Variants in IL21R observed in about 807,000 individuals in gnomAD.
IL21R encodes the protein interleukin-21 receptor.
In IL21R, 14 loss-of-function variants were observed where a neutral mutation model predicts 41.3. That is an observed-to-expected ratio of 0.34 (90% CI 0.22 to 0.53). The LOEUF (loss-of-function observed/expected upper bound fraction) is 0.53, where lower values mean the gene tolerates loss of function less well. IL21R is among the 20% of genes least tolerant of loss of function. The probability of loss-of-function intolerance (pLI) is 0.94; values close to 1 mark genes in which losing one functional copy is unlikely to be tolerated. For synonymous variants in IL21R, 286 were observed against 287.6 expected (o/e 0.99, Z 0.05); for missense variants, 588 against 681.6 (o/e 0.86, Z 1.53).
intron 1 of IL21R, among the ~76,000 whole-genome samples, chr16:27,410,465 T>C (rs1017689522): frequency 2.6e-5 from 4 of 152,268 alleles, no homozygotes; most frequent in African/African-American, 4.8e-5. Flanking sequence ...TAATGAGTTT[T>C]TATACTTTAC....
intron 1 of IL21R, among the ~76,000 whole-genome samples, chr16:27,406,456 G>A (rs551869976): frequency 1.5e-3 from 227 of 152,266 alleles, no homozygotes; most frequent in African/African-American, 4.7e-3. Context: ...GCTAGGAGAG[G>A]TTGCACAGGC....
At chr16:27,412,408 C>T (rs2086835850) in intron 1 of IL21R, among the ~76,000 whole-genome samples, 1 of 150,768 alleles carries the variant, frequency 6.6e-6, no homozygotes, top group Admixed American at 6.6e-5. Context: ...TCTCCTTCTC[C>T]TTCTTCTTCT....
rs868642144 is a variant in IL21R at position 27,445,198 on chromosome 16, C to T, written c.707C>T (p.Pro236Leu). 1 of 1,613,956 alleles carries T rather than the reference C, an allele frequency of 6.2e-7. No individual in the cohort carries two copies. ...CCAGAGTTAAAGGAAGGCTGGAACCCTCACCTGCTGCTTCTCCTCCTGCTT... is the reference window on the plus strand; with the variant it reads ...CCAGAGTTAAAGGAAGGCTGGAACCTTCACCTGCTGCTTCTCCTCCTGCTT... Reference protein sequence around the residue: ...QSEELKEGWNPHLLLLLLLVI... With the variant: ...QSEELKEGWNLHLLLLLLLVI... The change falls in exon 7 of 9, where the codon CCT (proline) becomes CTT (leucine). Residue 236 changes from proline (P) to leucine (L), a missense_variant. Pro to Leu is a moderately conservative substitution (Grantham distance 98). Coordinates refer to ENST00000337929, the MANE Select transcript of IL21R (RefSeq NM_181078.3).
chr16:27,433,790 C>T (rs752705245), intron 2 of IL21R, among the ~76,000 whole-genome samples: 14 of 152,160 alleles, frequency 9.2e-5, no homozygotes, highest in Non-Finnish European at 2.1e-4. Flanking sequence ...AATTCTCTCA[C>T]GGTTTCCTAC....
chr16:27,418,646 A>G (rs903200813), intron 1 of IL21R, among the ~76,000 whole-genome samples: 10 of 152,194 alleles, frequency 6.6e-5, no homozygotes, highest in African/African-American at 1.4e-4. Flanking sequence ...CTGGGATTAC[A>G]GGCATGAGCC....
intron 1 of IL21R, among the ~76,000 whole-genome samples, chr16:27,409,845 C>A (rs758345910): frequency 2.0e-5 from 3 of 152,152 alleles, no homozygotes; most frequent in Non-Finnish European, 4.4e-5. Flanking sequence ...ACTATCTTGT[C>A]AATTTCCACC....
chr16:27,446,285 G>T (rs1187810246), intron 8 of IL21R, among the ~76,000 whole-genome samples, 197 bp downstream of exon 8: 1 of 152,164 alleles, frequency 6.6e-6, no homozygotes, highest in Non-Finnish European at 1.5e-5. Flanking sequence ...ATTGGCAGAA[G>T]AATTAAACAA....
intron 1 of IL21R, among the ~76,000 whole-genome samples, chr16:27,423,377 G>A (rs1209582491): frequency 2.0e-5 from 3 of 152,090 alleles, no homozygotes; most frequent in African/African-American, 7.2e-5. Flanking sequence ...GTATGAAATA[G>A]TTTGAACATA....
At chr16:27,425,308 C>T (rs2087058119) in intron 1 of IL21R, among the ~76,000 whole-genome samples, 1 of 152,178 alleles carries the variant, frequency 6.6e-6, no homozygotes. Context: ...GCAGAGAAGG[C>T]AGTGGAATTA....
At position 27,442,995 on chromosome 16, in the gene IL21R, C is replaced by G; in HGVS notation, c.386C>G (p.Thr129Ser). Residue 129 changes from threonine (T) to serine (S), a missense_variant, in exon 5 of 9, where the codon ACC becomes AGC. By Grantham distance (58) the Thr-to-Ser change is moderately conservative. Transcript: ENST00000337929. ...GCTCCCCCTTTCAACGTGACTGTGA[C>G]CTTCTCAGGACAGTATAATATCTCC... ...KPAPPFNVTV[T>S]FSGQYNISWR... The G allele has an allele frequency of 6.2e-7, 1 of 1,606,890 alleles. No homozygotes were observed. Among genetic ancestry groups the G allele is most frequent in the Non-Finnish European group, 8.5e-7 (1 of 1,176,804 alleles).
chr16:27,430,510 T>G (rs1359504786), intron 2 of IL21R, among the ~76,000 whole-genome samples: 1 of 152,200 alleles, frequency 6.6e-6, no homozygotes, highest in Non-Finnish European at 1.5e-5. Flanking sequence ...TGACTCTCCT[T>G]GGAAATGTTT....
At chr16:27,442,842 C>T in intron 4 of IL21R, 120 bp from the exon 5 acceptor site, 1 of 873,910 alleles carries the variant, frequency 1.1e-6, no homozygotes, top group Non-Finnish European at 1.8e-6. Flanking sequence ...TCATCTCATC[C>T]ATGATGGGTC....
intron 7 of IL21R, among the ~76,000 whole-genome samples, 182 bp from the exon 8 acceptor site, chr16:27,445,825 G>A (rs563388461): frequency 3.5e-4 from 53 of 152,264 alleles, no homozygotes; most frequent in Non-Finnish European, 6.9e-4. Flanking sequence ...GAGCCTGTGA[G>A]GGAGACTTAC....
intron 2 of IL21R, among the ~76,000 whole-genome samples, chr16:27,431,991 G>A (rs1280510876): frequency 4.6e-5 from 7 of 152,162 alleles, no homozygotes; most frequent in Non-Finnish European, 4.4e-5. Context: ...GGGGACACAC[G>A]CTGCATCCTC....
At chr16:27,404,458 C>T (rs999250090) in intron 1 of IL21R, among the ~76,000 whole-genome samples, 1 of 152,124 alleles carries the variant, frequency 6.6e-6, no homozygotes, top group African/African-American at 2.4e-5. Flanking sequence ...GAGGAGGAGG[C>T]CCATTCAAGA....
chr16:27,429,085 G>A (rs949448863), intron 1 of IL21R, among the ~76,000 whole-genome samples: 4 of 152,110 alleles, frequency 2.6e-5, no homozygotes, highest in Non-Finnish European at 5.9e-5. Context: ...TTAGCCAGGC[G>A]TGGTGGCGGC....
At chr16:27,445,965 C>T (rs1399789001) in intron 7 of IL21R, 42 bp from the exon 8 acceptor site, 2 of 1,526,682 alleles carry the variant, frequency 1.3e-6, no homozygotes, top group Non-Finnish European at 1.8e-6. Context: ...CCAGGCTGCC[C>T]TCTGGTGATG....
At position 27,448,727 on chromosome 16, in the gene IL21R, C is replaced by T. The variant is rs2087531277; in HGVS notation, c.1061C>T (p.Thr354Ile). 1 of 1,613,434 alleles carries T rather than the reference C, an allele frequency of 6.2e-7. No homozygotes were observed. The highest frequency in any genetic ancestry group is 8.5e-7 in the Non-Finnish European group (1 of 1,180,002). ...GTGCCCAAGCCCAGCTTCTGGCCGACAGCCCAGAACTCGGGGGGCTCAGCT... is the reference window on the plus strand; with the variant it reads ...GTGCCCAAGCCCAGCTTCTGGCCGATAGCCCAGAACTCGGGGGGCTCAGCT... ...DGVPKPSFWPTAQNSGGSAYS... is the reference protein window; with the variant it reads ...DGVPKPSFWPIAQNSGGSAYS... The change falls in exon 9 of 9, where the codon ACA (threonine) becomes ATA (isoleucine). Residue 354 changes from threonine to isoleucine, a missense_variant. Thr to Ile is a moderately conservative substitution (Grantham distance 89). Transcript: ENST00000337929.
intron 1 of IL21R, among the ~76,000 whole-genome samples, chr16:27,419,157 G>A (rs1043642130): frequency 7.9e-5 from 12 of 152,116 alleles, no homozygotes; most frequent in South Asian, 2.1e-4. Flanking sequence ...CCAACACCAC[G>A]CCATTGCACT....
Sources: allele counts gnomAD v4.1 joint callset (sites outside exome capture counted in the v4.1 genomes callset), GRCh38; gene constraint gnomAD v4.1.1; transcripts MANE v1.5; gene names NCBI Gene and HGNC (gene_info 2026-07-23, HGNC 2026-07-21).